TBC1D1: variants seen among roughly 807,000 people sequenced by gnomAD.
TBC1D1 encodes TBC1 (tre-2/USP6, BUB2, cdc16) domain family, member 1.
TBC1D1 carries 89 observed loss-of-function variants against 125.6 expected under a neutral mutation model. The ratio of observed to expected loss-of-function variants is 0.71; its 90% CI spans 0.60 to 0.85. The LOEUF (loss-of-function observed/expected upper bound fraction) is 0.85, where lower values mean the gene tolerates loss of function less well. Ranked by LOEUF, TBC1D1 falls within the 40% of genes least tolerant of loss-of-function variation. The probability of loss-of-function intolerance (pLI) is 0.00; values close to 1 mark genes in which losing one functional copy is unlikely to be tolerated. For missense variants in TBC1D1, 1,377 were observed against 1,469.2 expected (o/e 0.94, Z 1.03); for synonymous variants, 565 against 564.1 (o/e 1.00, Z -0.02).
At chr4:38,082,295 A>G (rs1756709636) in intron 12 of TBC1D1, among the ~76,000 whole-genome samples, 1 of 152,184 alleles carries the variant, frequency 6.6e-6, no homozygotes, top group African/African-American at 2.4e-5. Flanking sequence ...CTTCCCAGAC[A>G]CAGCCCTCAG....
At chr4:38,007,143 C>T (rs1405789025) in intron 2 of TBC1D1, 1 of 211,074 alleles carries the variant, frequency 4.7e-6, no homozygotes, top group Non-Finnish European at 1.0e-5. Context: ...CTGGACTTGA[C>T]TTTCCTCACC....
At chr4:38,022,274 T>G (rs1222029061) in intron 6 of TBC1D1, among the ~76,000 whole-genome samples, 1 of 152,230 alleles carries the variant, frequency 6.6e-6, no homozygotes, top group Non-Finnish European at 1.5e-5. Context: ...ATGTTATGAT[T>G]TGTAGCTAAC....
Position 38,044,449 on chromosome 4 carries a change from A to G in TBC1D1, c.1501A>G (p.Lys501Glu). Residue 501 changes from lysine (K) to glutamate (E), a missense_variant, in exon 9 of 20, where the codon AAG becomes GAG. Around this residue, in one of 3 missense-constraint regions of TBC1D1, gnomAD observed 822 missense variants for 824.6 expected, o/e 1.00. Transcript: ENST00000261439. ...GCTAGATATGCTGAAAAACAAAGCA[A>G]AGAGATCTTTAACAGAGTCTTTAGA... 6.2e-7 allele frequency: 1 copy of G among 1,613,662 alleles called. No homozygotes were observed. The highest frequency in any genetic ancestry group is 8.5e-7 in the Non-Finnish European group (1 of 1,179,944).
intron 2 of TBC1D1, among the ~76,000 whole-genome samples, chr4:37,998,508 G>A (rs1374272157): frequency 6.6e-6 from 1 of 152,068 alleles, no homozygotes. Context: ...CTCCCTCCTC[G>A]TCTGCCTCCC....
intron 8 of TBC1D1, among the ~76,000 whole-genome samples, chr4:38,039,102 C>CTTTTT (rs1747805739): frequency 1.0e-5 from 1 of 98,442 alleles, no homozygotes; most frequent in Admixed American, 1.3e-4. Context: ...TGGCATCATA[C>CTTTTT]TCTTTTTTTT....
intron 8 of TBC1D1, among the ~76,000 whole-genome samples, chr4:38,038,191 TTG>T (rs1436306095): frequency 6.6e-6 from 1 of 152,210 alleles, no homozygotes; most frequent in Admixed American, 6.5e-5. Context: ...ATCTTAATTA[TTG>T]TGTGTTTTTT....
intron 2 of TBC1D1, among the ~76,000 whole-genome samples, chr4:37,903,227 T>A (rs754953648): frequency 6.6e-6 from 1 of 152,206 alleles, no homozygotes; most frequent in Non-Finnish European, 1.5e-5. Flanking sequence ...ATGTGAGACA[T>A]GGTAAAAGTT....
At chr4:38,120,446 TTTTATA>T (rs1212774384) in intron 17 of TBC1D1, among the ~76,000 whole-genome samples, 1 of 152,368 alleles carries the variant, frequency 6.6e-6, no homozygotes, top group African/African-American at 2.4e-5. Context: ...GATAGCTTAG[TTTTATA>T]TTTCAAAGCC....
intron 2 of TBC1D1, among the ~76,000 whole-genome samples, chr4:37,982,358 A>C: frequency 6.6e-6 from 1 of 152,124 alleles, no homozygotes; most frequent in East Asian, 1.9e-4. Flanking sequence ...TATTGTTTTA[A>C]AATTTTTTTT....
chr4:38,018,831 CT>C (rs1743378999), intron 4 of TBC1D1, among the ~76,000 whole-genome samples: 1 of 151,882 alleles, frequency 6.6e-6, no homozygotes, highest in African/African-American at 2.4e-5. Context: ...AAATTTGTAA[CT>C]TTTTTGGGTA....
chr4:38,072,043 A>G (rs1486889028), intron 12 of TBC1D1, among the ~76,000 whole-genome samples: 2 of 152,062 alleles, frequency 1.3e-5, no homozygotes, highest in East Asian at 1.9e-4. Flanking sequence ...CTCCCCTGGG[A>G]CTTTGGGCCT....
intron 2 of TBC1D1, among the ~76,000 whole-genome samples, chr4:37,934,514 C>T (rs564439956): frequency 1.3e-5 from 2 of 152,146 alleles, no homozygotes; most frequent in South Asian, 2.1e-4. Context: ...GCTGCTTCTG[C>T]GTCATCCGTC....
At chr4:37,998,989 G>A (rs183783680) in intron 2 of TBC1D1, among the ~76,000 whole-genome samples, 1 of 152,316 alleles carries the variant, frequency 6.6e-6, no homozygotes, top group African/African-American at 2.4e-5. Context: ...GCTCTCGCCT[G>A]TAATCCCAGC....
At chr4:37,925,489 G>A (rs1164073518) in intron 2 of TBC1D1, among the ~76,000 whole-genome samples, 2 of 152,042 alleles carry the variant, frequency 1.3e-5, no homozygotes, top group Admixed American at 6.6e-5. Flanking sequence ...AGGTCGAGGT[G>A]GGGGGATCAT....
chr4:38,135,621 C>T (rs919473466), intron 19 of TBC1D1, among the ~76,000 whole-genome samples: 1 of 152,128 alleles, frequency 6.6e-6, no homozygotes, highest in Non-Finnish European at 1.5e-5. Context: ...TGAGCCAGGC[C>T]CTGACGATGG....
At chr4:37,891,813 C>T (rs1267894405) in intron 1 of TBC1D1, among the ~76,000 whole-genome samples, 4 of 151,910 alleles carry the variant, frequency 2.6e-5, no homozygotes, top group Admixed American at 2.0e-4. Flanking sequence ...TCTATGGGTA[C>T]ATCCTGTACC....
intron 12 of TBC1D1, among the ~76,000 whole-genome samples, chr4:38,087,972 A>T (rs1355107062): frequency 6.7e-6 from 1 of 149,288 alleles, no homozygotes; most frequent in Non-Finnish European, 1.5e-5. Context: ...AGATTGTGAG[A>T]GTGTATGGAA....
chr4:38,061,241 T>A (rs987039733), intron 12 of TBC1D1, among the ~76,000 whole-genome samples: 1 of 152,100 alleles, frequency 6.6e-6, no homozygotes, highest in Non-Finnish European at 1.5e-5. Flanking sequence ...AGACACAGTG[T>A]GGGCGTTTGT....
intron 1 of TBC1D1, among the ~76,000 whole-genome samples, chr4:37,891,716 CAG>C (rs1560439725): frequency 7.9e-6 from 1 of 127,118 alleles, no homozygotes; most frequent in Non-Finnish European, 1.6e-5. Flanking sequence ...AGAGTGTGGT[CAG>C]AGTGACCCCA....
Sources: allele counts gnomAD v4.1 joint callset (sites outside exome capture counted in the v4.1 genomes callset), GRCh38; gene constraint gnomAD v4.1.1; regional missense constraint gnomAD v4.1.1; transcripts MANE v1.5; gene names NCBI Gene and HGNC (gene_info 2026-07-23, HGNC 2026-07-21).